The following NRAP variants were observed in gnomAD, a reference collection of about 807,000 sequenced individuals.
NRAP encodes nebulin related anchoring protein.
A neutral mutation model predicts 225.9 loss-of-function variants in NRAP; 189 were observed. The observed-to-expected ratio is 0.84, with a 90% CI of 0.74 to 0.94. NRAP has a LOEUF of 0.94. Among genes scored for constraint, NRAP ranks in the 40% least tolerant of loss-of-function variants. NRAP has a pLI of 0.00. For missense variants in NRAP, 2,176 were observed against 2,168.7 expected, an observed-to-expected ratio of 1.00 and a Z score of -0.07; for synonymous variants, 769 against 790.7, an observed-to-expected ratio of 0.97 and a Z score of 0.46.
Position 113,629,614 on chromosome 10 carries a change from T to A in NRAP, c.2014A>T (p.Lys672Ter). 6.2e-7 allele frequency: 1 copy of A among 1,613,688 alleles called. No individual in the cohort carries two copies. Among genetic ancestry groups the A allele is most frequent in the Non-Finnish European group, 8.5e-7 (1 of 1,179,610 alleles). The change falls in exon 19 of 42, where the codon AAG (lysine) becomes TAG (stop). Residue 672 changes from lysine (K) to a stop codon, truncating the protein, a stop_gained. Transcript: ENST00000359988. LOFTEE classifies it high-confidence loss of function. Reference sequence around the variant, plus strand: ...TCGCTCTGGAGCCCATAGGCCTTCTTGGCCCACTGAGTCTTCATATCTTCA... The same window carrying A: ...TCGCTCTGGAGCCCATAGGCCTTCTAGGCCCACTGAGTCTTCATATCTTCA... ...LPEDMKTQWA[K>*]KAYGLQSELQ...
chr10:113,649,098 G>T (rs1298855013), intron 9 of NRAP, among the ~76,000 whole-genome samples: 1 of 152,156 alleles, frequency 6.6e-6, no homozygotes, highest in Non-Finnish European at 1.5e-5. Flanking sequence ...TTAACTTAGA[G>T]AATTTGATTA....
Position 113,590,840 on chromosome 10 carries a change from T to C in NRAP, c.4694A>G (p.Tyr1565Cys), listed in dbSNP as rs1159504065. 1 of 1,614,154 alleles carries C rather than the reference T, an allele frequency of 6.2e-7. No homozygotes were observed. Among genetic ancestry groups the C allele is most frequent in the East Asian group, 2.2e-5 (1 of 44,882 alleles). The change falls in exon 40 of 42, where the codon TAC becomes TGC. Residue 1565 changes from tyrosine (Y) to cysteine (C), a missense_variant. This residue lies in a region of NRAP where 445 missense variants were observed against 426.1 expected (regional missense o/e 1.04). Transcript: ENST00000359988. Reference sequence around the variant, plus strand: ...CCTTGGGTCATCGTCGACACTGCGGTACCCGATCTGCAGGCCTCGGTCCCG... The same window carrying C: ...CCTTGGGTCATCGTCGACACTGCGGCACCCGATCTGCAGGCCTCGGTCCCG... ...FLRDRGLQIG[Y>C]RSVDDDPRMK...
intron 13 of NRAP, 46 bp downstream of exon 13, chr10:113,641,319 C>A: frequency 8.8e-7 from 1 of 1,138,720 alleles, no homozygotes. Flanking sequence ...ATTCTTCATG[C>A]CCTGCCCCAC....
chr10:113,624,995 TC>T, intron 21 of NRAP, 65 bp from the exon 22 acceptor site: 2 of 919,730 alleles, frequency 2.2e-6, no homozygotes, highest in South Asian at 2.7e-5. Flanking sequence ...GTGGCATCCC[TC>T]ATGGTGTCTC....
chr10:113,589,683 C>G lies in NRAP; in HGVS notation c.5071G>C (p.Gly1691Arg). The G allele has an allele frequency of 1.2e-6, 2 of 1,614,102 alleles. No homozygotes were observed. The highest frequency in any genetic ancestry group is 1.7e-6 in the Non-Finnish European group (2 of 1,180,012). The change falls in exon 41 of 42, where the codon GGT becomes CGT. Residue 1691 changes from glycine to arginine, a missense_variant. Physicochemically the swap from Gly to Arg is moderately radical, Grantham distance 125. Transcript: ENST00000359988. ...AAELANARGL[G>R]LQGAYRGAEA... is the part of the protein sequence containing the mutation. ...CTACTCACGTAAGCTCCCTGGAGAC[C>G]CAGGCCCCTTGCGTTGGCCAGTTCC... is the stretch of plus-strand genomic sequence containing the variant.
intron 41 of NRAP, chr10:113,589,418 C>G: frequency 3.4e-6 from 2 of 586,654 alleles, no homozygotes. Flanking sequence ...TTGATGTAGC[C>G]CCGGTAGGTT....
At position 113,604,844 on chromosome 10, in the gene NRAP, A is replaced by C; in HGVS notation, c.3992T>G (p.Ile1331Ser). Residue 1331 changes from isoleucine (I) to serine (S), a missense_variant, in exon 35 of 42, where the codon ATC becomes AGC. Coordinates refer to ENST00000359988, the MANE Select transcript of NRAP (RefSeq NM_198060.4). ...GPQSVRDDPR[I>S]QHCRRMGQLQ... ...CTGGCCCATGCGCCGGCAGTGCTGG[A>C]TCCGGGGGTCGTCTCTTACACTCTG... 2.5e-6 allele frequency: 4 copies of C among 1,614,068 alleles called. No homozygotes were observed. Among genetic ancestry groups the C allele is most frequent in the Non-Finnish European group, 3.4e-6 (4 of 1,180,006 alleles).
chr10:113,614,240 G>C lies in NRAP; in HGVS notation c.3243C>G (p.Ser1081Arg). 8 of 1,614,086 alleles carry C rather than the reference G, an allele frequency of 5.0e-6. No homozygotes were observed. Among genetic ancestry groups the C allele is most frequent in the Non-Finnish European group, 6.8e-6 (8 of 1,179,936 alleles). Reference protein sequence around the residue: ...KMKGQMLGSRSLEDDISLAHS... With the variant: ...KMKGQMLGSRRLEDDISLAHS... ...GTGCAAGGCTGATATCATCTTCCAA[G>C]CTCCGGGAACCAAGCATCTGTCCTT... Residue 1081 changes from serine to arginine, a missense_variant, in exon 29 of 42, where the codon AGC becomes AGG. Coordinates refer to ENST00000359988, the MANE Select transcript of NRAP (RefSeq NM_198060.4).
intron 40 of NRAP, 94 bp from the exon 41 acceptor site, chr10:113,589,891 T>TGAGA: frequency 1.4e-5 from 19 of 1,371,074 alleles, no homozygotes; most frequent in Non-Finnish European, 1.9e-5. Context: ...AGCCACAGTA[T>TGAGA]GAGACTATGT....
intron 28 of NRAP, 127 bp from the exon 29 acceptor site, chr10:113,614,423 CG>C (rs1847520357): frequency 2.9e-6 from 2 of 690,090 alleles, no homozygotes; most frequent in South Asian, 1.7e-5. Flanking sequence ...AGAAAATGCG[CG>C]GGAGTCGTCA....
rs796575360 is a variant in NRAP at position 113,662,570 on chromosome 10, G to A, written c.255+109C>T. ...CCCAAAGTGTTGGAATTGTAGGTGT[G>A]AGCCACTGTGCCTGGCTAGAATATA... On this transcript the variant is annotated intron_variant, in intron 3 of 41. Coordinates refer to ENST00000359988, the MANE Select transcript of NRAP (RefSeq NM_198060.4). 7.2e-5 allele frequency: 51 copies of A among 712,010 alleles called. No homozygotes were observed. In the African/African-American group the frequency reaches 8.4e-4, roughly 12 times the overall value. 44.1% of individuals were successfully genotyped at this position (712,010 alleles called of 1,614,324 possible).
intron 3 of NRAP, among the ~76,000 whole-genome samples, chr10:113,660,384 C>T (rs920475785): frequency 1.3e-5 from 2 of 152,002 alleles, no homozygotes; most frequent in Admixed American, 6.6e-5. Context: ...CATATATATA[C>T]ACATATATAT....
In NRAP at chr10:113,663,946, G is replaced by T; in HGVS notation, c.-64C>A. 1 of 1,245,696 alleles carries T rather than the reference G, an allele frequency of 8.0e-7. No homozygotes were observed. The highest frequency in any genetic ancestry group is 1.2e-6 in the Non-Finnish European group (1 of 846,038). 77.2% of individuals were successfully genotyped at this position (1,245,696 alleles called of 1,614,324 possible). A position where few individuals can be genotyped will look rare whatever the true frequency, so the allele number is the denominator to read the frequency against. On this transcript the variant is annotated 5_prime_UTR_variant, in exon 1 of 42. The change creates a new upstream start codon in the 5' untranslated region. Transcript: ENST00000359988. ...GCAAGAAATGCAAGGAGAACCCCCA[G>T]TCTAGTTCAAGTCTTCAAAATCCGA...
chr10:113,615,635 A>C (rs1847608408), intron 27 of NRAP, 77 bp downstream of exon 27: 1 of 793,614 alleles, frequency 1.3e-6, no homozygotes, highest in Admixed American at 1.9e-5. Context: ...GCTTCTGAGC[A>C]CAGGGCATTG....
At chr10:113,640,368 A>G (rs764723495) in intron 13 of NRAP, 37 bp from the exon 14 acceptor site, 9 of 1,190,294 alleles carry the variant, frequency 7.6e-6, no homozygotes, top group Non-Finnish European at 1.1e-5. Context: ...TGGAGAAATC[A>G]ATTTCTACTT....
intron 26 of NRAP, among the ~76,000 whole-genome samples, chr10:113,616,170 G>A (rs902231872): frequency 1.3e-5 from 2 of 152,160 alleles, no homozygotes; most frequent in South Asian, 2.1e-4. Flanking sequence ...TACAGAAGGC[G>A]AGAAAGAAGA....
At chr10:113,594,443 C>T (rs1331973580) in intron 38 of NRAP, among the ~76,000 whole-genome samples, 2 of 152,186 alleles carry the variant, frequency 1.3e-5, no homozygotes, top group African/African-American at 2.4e-5. Context: ...CTCCTCAAGC[C>T]GGGCCCCAAA....
chr10:113,624,902 G>A lies in NRAP; in HGVS notation c.2273C>T (p.Ser758Phe). Residue 758 changes from serine (S) to phenylalanine (F), a missense_variant, in exon 22 of 42, where the codon TCT becomes TTT. By Grantham distance (155) the Ser-to-Phe change is radical. This residue lies in a region of NRAP where 1,708 missense variants were observed against 1,695.5 expected (regional missense o/e 1.01). Transcript: ENST00000359988. ...TTTGCTGATGGTATACTGATGGACA[G>A]ACTGCTCATTTCCTGCCTTGTAGGC... ...GVAYKAGNEQ[S>F]VHQYTISKDE... The A allele has an allele frequency of 1.2e-6, 2 of 1,614,018 alleles. No homozygotes were observed. Among genetic ancestry groups the A allele is most frequent in the Admixed American group, 1.7e-5 (1 of 60,010 alleles).
intron 24 of NRAP, among the ~76,000 whole-genome samples, chr10:113,621,134 G>T (rs569497975): frequency 4.6e-5 from 7 of 152,354 alleles, no homozygotes; most frequent in African/African-American, 1.4e-4. Context: ...GGCAGCGGAG[G>T]CTTCCCACAG....
Sources: allele counts gnomAD v4.1 joint callset (sites outside exome capture counted in the v4.1 genomes callset), GRCh38; gene constraint gnomAD v4.1.1; regional missense constraint gnomAD v4.1.1; transcripts MANE v1.5; gene names NCBI Gene and HGNC (gene_info 2026-07-23, HGNC 2026-07-21).